Variants in MMAA observed in about 807,000 individuals in gnomAD.
The protein encoded by MMAA is methylmalonic aciduria type A protein, mitochondrial.
A neutral mutation model predicts 45.0 loss-of-function variants in MMAA; 41 were observed. The ratio of observed to expected loss-of-function variants is 0.91; its 90% confidence interval spans 0.71 to 1.18. MMAA has a LOEUF of 1.18. MMAA is among the 50% of genes most tolerant of loss of function. The pLI is 0.00. For missense variants in MMAA, 460 were observed against 495.7 expected (o/e 0.93, Z 0.68); for synonymous variants, 154 against 178.2 (o/e 0.86, Z 1.08).
rs772082690 is a variant in MMAA at position 145,639,486 on chromosome 4, A to G, written c.347A>G (p.Lys116Arg). Reference protein sequence around the residue: ...TLVESTHSRKKELAQVLLQKV... With the variant: ...TLVESTHSRKRELAQVLLQKV... ...GTAGAATCAACTCACAGCAGGAAAA[A>G]GGAGTTAGCCCAGGTGCTTCTTCAG... is the stretch of plus-strand genomic sequence containing the variant. The change falls in exon 2 of 7, where the codon AAG becomes AGG. Residue 116 changes from lysine (K) to arginine (R), a missense_variant. Transcript: ENST00000649156. The G allele has an allele frequency of 1.9e-5, 31 of 1,614,194 alleles. No homozygotes were observed. The South Asian group carries it at 2.9e-4, about 15-fold the overall frequency.
At chr4:145,652,628 G>T (rs1218633747) in intron 5 of MMAA, among the ~76,000 whole-genome samples, 1 of 152,004 alleles carries the variant, frequency 6.6e-6, no homozygotes, top group Admixed American at 6.6e-5. Flanking sequence ...TACTTGGGAG[G>T]CTGAGGCAGG....
chr4:145,619,709 C>A (rs1281660283), intron 1 of MMAA, among the ~76,000 whole-genome samples: 1 of 152,156 alleles, frequency 6.6e-6, no homozygotes, highest in Non-Finnish European at 1.5e-5. Flanking sequence ...TATCTCTGAG[C>A]CACAGCAAGG....
chr4:145,656,559 C>A lies in MMAA; in HGVS notation c.*1125C>A, dbSNP rs1728238108. ...CTGATGTATAATTTCAGTTTTCTCT[C>A]ATGGTCTTGTTACTACCATCATACT... On this transcript the variant is annotated 3_prime_UTR_variant, in exon 7 of 7. Transcript: ENST00000649156. The A allele has an allele frequency of 6.6e-6, 1 of 152,214 alleles. No homozygotes were observed. The highest frequency in any genetic ancestry group is 1.5e-5 in the Non-Finnish European group (1 of 68,016). 9.4% of individuals were successfully genotyped at this position (152,214 alleles called of 1,614,324 possible).
intron 4 of MMAA, 109 bp from the exon 5 acceptor site, chr4:145,650,953 G>A: frequency 2.1e-6 from 2 of 934,968 alleles, no homozygotes; most frequent in Non-Finnish European, 3.5e-6. Flanking sequence ...CAGGTTGACT[G>A]TGTGACCATG....
rs184209912 is a variant in MMAA, at chr4:145,659,149, C to T, written c.*3715C>T. The T allele has an allele frequency of 2.6e-4, 40 of 152,056 alleles. No individual in the cohort carries two copies. The highest frequency in any genetic ancestry group is 1.9e-3 in the Admixed American group (29 of 15,266). The allele number at this position is 152,056 out of a possible 1,614,324, so 9.4% of individuals were successfully genotyped here. A position where few individuals can be genotyped will look rare whatever the true frequency, so the allele number is the denominator to read the frequency against. On this transcript the variant is annotated 3_prime_UTR_variant, in exon 7 of 7. Coordinates refer to ENST00000649156, the MANE Select transcript of MMAA (RefSeq NM_172250.3). ...ACTCTTTAACAAATGTTTTTCTTTCCGTAGTATTTTAATTAAAATTTTTAA... is the reference window on the plus strand; with the variant it reads ...ACTCTTTAACAAATGTTTTTCTTTCTGTAGTATTTTAATTAAAATTTTTAA...
chr4:145,646,260 T>A lies in MMAA; in HGVS notation c.733+104T>A. On this transcript the variant is annotated intron_variant, in intron 4 of 6. Transcript: ENST00000649156. Reference sequence around the variant, plus strand: ...TCATTCAGCAGATATTTGCTAAATGTATAATTAAATACAAGATATCCCATA... The same window carrying A: ...TCATTCAGCAGATATTTGCTAAATGAATAATTAAATACAAGATATCCCATA... The A allele has an allele frequency of 3.2e-6, 4 of 1,261,630 alleles. 1 individual carries two copies. In the South Asian group the frequency reaches 5.0e-5, roughly 16 times the overall value. The allele number at this position is 1,261,630 out of a possible 1,614,324, so 78.2% of individuals were successfully genotyped here.
intron 3 of MMAA, among the ~76,000 whole-genome samples, chr4:145,643,396 G>A (rs1727840825): frequency 6.6e-6 from 1 of 152,166 alleles, no homozygotes; most frequent in Non-Finnish European, 1.5e-5. Context: ...AATACAATGT[G>A]TGTTGTGAAG....
At chr4:145,624,064 C>T in intron 1 of MMAA, 1 of 812,232 alleles carries the variant, frequency 1.2e-6, no homozygotes, top group South Asian at 1.3e-5. Flanking sequence ...GCTAACTGGT[C>T]AGACCCAGAA....
At chr4:145,645,781 G>A (rs1255948942) in intron 3 of MMAA, among the ~76,000 whole-genome samples, 2 of 152,162 alleles carry the variant, frequency 1.3e-5, no homozygotes, top group Non-Finnish European at 2.9e-5. Flanking sequence ...TCAGGGGGAA[G>A]CTATAAATTA....
rs374109118 is a variant in MMAA, at chr4:145,639,136, G to C, written c.-4G>C. The C allele has an allele frequency of 6.2e-7, 1 of 1,613,920 alleles. No individual in the cohort carries two copies. Among genetic ancestry groups the C allele is most frequent in the Admixed American group, 1.7e-5 (1 of 59,998 alleles). On this transcript the variant is annotated 5_prime_UTR_variant, in exon 2 of 7. Transcript: ENST00000649156. ...TGTTTTCTCCAGTTACAAATAAAAC[G>C]AATATGCCCATGCTGCTACCACATC...
At chr4:145,646,989 A>G (rs1303115076) in intron 4 of MMAA, among the ~76,000 whole-genome samples, 2 of 152,212 alleles carry the variant, frequency 1.3e-5, no homozygotes, top group South Asian at 2.1e-4. Flanking sequence ...ATCCTGCTGG[A>G]TAAGCAGGAG....
At chr4:145,642,330 T>G in intron 2 of MMAA, 33 bp from the exon 3 acceptor site, 1 of 1,612,058 alleles carries the variant, frequency 6.2e-7, no homozygotes, top group Non-Finnish European at 8.5e-7. Flanking sequence ...TTTCATTTGT[T>G]TCATTGAATT....
chr4:145,657,721 G>C lies in MMAA; in HGVS notation c.*2287G>C, dbSNP rs1040902344. 4 of 152,162 alleles carry C rather than the reference G, an allele frequency of 2.6e-5. No individual in the cohort carries two copies. Among genetic ancestry groups the C allele is most frequent in the African/African-American group, 9.7e-5 (4 of 41,428 alleles). 9.4% of individuals were successfully genotyped at this position (152,162 alleles called of 1,614,324 possible). ...ACAAAACAGACTAATATTAATTTCA[G>C]ATTGGCCAAGCTACTTAATTTCTCT... is the stretch of plus-strand genomic sequence containing the variant. On this transcript the variant is annotated 3_prime_UTR_variant, in exon 7 of 7. Coordinates refer to ENST00000649156, the MANE Select transcript of MMAA (RefSeq NM_172250.3).
intron 4 of MMAA, 126 bp from the exon 5 acceptor site, chr4:145,650,936 G>A (rs1485274711): frequency 6.1e-6 from 5 of 821,880 alleles, no homozygotes; most frequent in Middle Eastern, 2.2e-4. Flanking sequence ...ATGTTTAAAG[G>A]AGTGACCAGG....
chr4:145,641,234 A>G (rs573104272), intron 2 of MMAA, among the ~76,000 whole-genome samples: 3 of 152,370 alleles, frequency 2.0e-5, no homozygotes, highest in African/African-American at 7.2e-5. Context: ...GTGCCTACTT[A>G]CTAAGATTTT....
At chr4:145,630,585 G>A (rs1206179496) in intron 1 of MMAA, among the ~76,000 whole-genome samples, 5 of 152,264 alleles carry the variant, frequency 3.3e-5, no homozygotes, top group South Asian at 2.1e-4. Context: ...AAAATTAGCC[G>A]GGCATGGCGG....
intron 2 of MMAA, among the ~76,000 whole-genome samples, chr4:145,640,169 C>T (rs1166991283): frequency 2.0e-5 from 3 of 151,500 alleles, no homozygotes; most frequent in East Asian, 1.9e-4. Context: ...TGCAGTGGCG[C>T]GATCTCGGCT....
chr4:145,619,530 A>T (rs1363536450), intron 1 of MMAA, 123 bp downstream of exon 1: 1 of 152,084 alleles, frequency 6.6e-6, no homozygotes, highest in Non-Finnish European at 1.5e-5. Context: ...GGGGTGGGGG[A>T]AGGAAAAGGA....
At chr4:145,619,897 C>T (rs754487700) in intron 1 of MMAA, among the ~76,000 whole-genome samples, 1 of 152,166 alleles carries the variant, frequency 6.6e-6, no homozygotes, top group Admixed American at 6.5e-5. Context: ...CAAACAGTAT[C>T]TAGGTTCCGT....
Sources: gnomAD v4.1 joint callset for allele counts (sites outside exome capture counted in the v4.1 genomes callset) on GRCh38, gnomAD v4.1.1 for gene constraint, MANE v1.5 for transcripts, NCBI Gene and HGNC (gene_info 2026-07-23, HGNC 2026-07-21) for gene names.